The following COMMD10 variants were observed in gnomAD, a reference collection of about 807,000 sequenced individuals.
The protein encoded by COMMD10 is COMM domain containing 10.
In COMMD10, 33 loss-of-function variants were observed where a neutral mutation model predicts 28.9. That is an observed-to-expected ratio of 1.14 (90% CI 0.87 to 1.53). The LOEUF (loss-of-function observed/expected upper bound fraction) is 1.53. Ranked by LOEUF, COMMD10 falls within the 40% of genes most tolerant of loss-of-function variation. The pLI is 0.00. For missense variants in COMMD10, 310 were observed against 233.4 expected (o/e 1.33, Z -2.14); for synonymous variants, 110 against 81.7 (o/e 1.35, Z -1.87).
chr5:116,208,512 C>T (rs1469218938), intron 5 of COMMD10, among the ~76,000 whole-genome samples: 1 of 152,124 alleles, frequency 6.6e-6, no homozygotes. Flanking sequence ...TGAATTCTGA[C>T]TCTTTGGGAT....
intron 5 of COMMD10, among the ~76,000 whole-genome samples, chr5:116,275,377 C>T (rs192589742): frequency 6.6e-6 from 1 of 151,788 alleles, no homozygotes; most frequent in Non-Finnish European, 1.5e-5. Flanking sequence ...ATTTATCTTT[C>T]AGGTATCAGA....
chr5:116,272,115 T>C (rs892719965), intron 5 of COMMD10, among the ~76,000 whole-genome samples: 1 of 151,816 alleles, frequency 6.6e-6, no homozygotes, highest in South Asian at 2.1e-4. Flanking sequence ...TAGGCTCCAT[T>C]AAGGTCGAGA....
At chr5:116,176,827 T>C (rs1194794785) in intron 5 of COMMD10, among the ~76,000 whole-genome samples, 1 of 152,122 alleles carries the variant, frequency 6.6e-6, no homozygotes, top group Non-Finnish European at 1.5e-5. Context: ...AAGTTTAATA[T>C]AAAGAATTAG....
chr5:116,239,339 C>T (rs575647258), intron 5 of COMMD10, among the ~76,000 whole-genome samples: 6 of 152,166 alleles, frequency 3.9e-5, no homozygotes, highest in Non-Finnish European at 8.8e-5. Context: ...CATAGACTTA[C>T]TCACACATTT....
chr5:116,191,260 T>C (rs1327254985), intron 5 of COMMD10, among the ~76,000 whole-genome samples: 4 of 152,044 alleles, frequency 2.6e-5, no homozygotes, highest in Admixed American at 1.3e-4. Flanking sequence ...CTAGCTGAAC[T>C]TTGTAACAAT....
intron 5 of COMMD10, among the ~76,000 whole-genome samples, chr5:116,156,477 G>T (rs770075866): frequency 1.3e-5 from 2 of 152,034 alleles, no homozygotes; most frequent in African/African-American, 2.4e-5. Flanking sequence ...TCCAGATTGG[G>T]GCTGGAGAAT....
chr5:116,135,791 C>T (rs1359129404), intron 5 of COMMD10, among the ~76,000 whole-genome samples: 1 of 152,150 alleles, frequency 6.6e-6, no homozygotes, highest in Non-Finnish European at 1.5e-5. Context: ...TCCATGGTTT[C>T]AGGCCTCCAC....
At chr5:116,205,248 T>G (rs771965661) in intron 5 of COMMD10, among the ~76,000 whole-genome samples, 14 of 152,180 alleles carry the variant, frequency 9.2e-5, no homozygotes, top group Non-Finnish European at 2.1e-4. Flanking sequence ...ATTTTTTTCA[T>G]GGACCTGTAT....
chr5:116,171,002 A>G (rs767416637), intron 5 of COMMD10, among the ~76,000 whole-genome samples: 4 of 152,326 alleles, frequency 2.6e-5, no homozygotes, highest in South Asian at 4.1e-4. Context: ...TAATTAAACT[A>G]AAGAGCTTCT....
intron 5 of COMMD10, among the ~76,000 whole-genome samples, chr5:116,202,948 T>A (rs1748709019): frequency 6.6e-6 from 1 of 152,094 alleles, no homozygotes. Flanking sequence ...GTTTTAGACA[T>A]GAAGGCCTTG....
intron 5 of COMMD10, among the ~76,000 whole-genome samples, chr5:116,286,707 A>G (rs1167234787): frequency 6.6e-6 from 1 of 151,652 alleles, no homozygotes; most frequent in African/African-American, 2.4e-5. Flanking sequence ...GTTTTATTCC[A>G]TTGTAATCAG....
At chr5:116,192,184 C>G (rs918222758) in intron 5 of COMMD10, among the ~76,000 whole-genome samples, 1 of 151,948 alleles carries the variant, frequency 6.6e-6, no homozygotes, top group African/African-American at 2.4e-5. Flanking sequence ...CTAGACCTTC[C>G]CTCTGACAGA....
chr5:116,174,257 C>G (rs1298774123), intron 5 of COMMD10, among the ~76,000 whole-genome samples: 2 of 152,024 alleles, frequency 1.3e-5, no homozygotes, highest in Non-Finnish European at 2.9e-5. Flanking sequence ...TGGAAGTGTG[C>G]TTGCTAAATT....
At chr5:116,190,034 A>T (rs1401977734) in intron 5 of COMMD10, among the ~76,000 whole-genome samples, 1 of 152,144 alleles carries the variant, frequency 6.6e-6, no homozygotes, top group Non-Finnish European at 1.5e-5. Context: ...TGCCTAAGCA[A>T]TCAGCACGCT....
chr5:116,112,342 T>G (rs1244542778), intron 4 of COMMD10, among the ~76,000 whole-genome samples: 2 of 152,198 alleles, frequency 1.3e-5, no homozygotes, highest in African/African-American at 4.8e-5. Context: ...CCCTTTACTT[T>G]TAGTCTATGT....
chr5:116,106,190 G>C (rs1248233593), intron 4 of COMMD10, among the ~76,000 whole-genome samples: 1 of 150,908 alleles, frequency 6.6e-6, no homozygotes, highest in Non-Finnish European at 1.5e-5. Flanking sequence ...TTGTGTCTTT[G>C]TTCTCATTGG....
intron 5 of COMMD10, among the ~76,000 whole-genome samples, chr5:116,154,761 C>T (rs192693631): frequency 6.7e-6 from 1 of 148,404 alleles, no homozygotes; most frequent in East Asian, 2.0e-4. Flanking sequence ...TTTGCACATA[C>T]ATTTTAAAGT....
At chr5:116,150,613 G>A (rs868376782) in intron 5 of COMMD10, among the ~76,000 whole-genome samples, 44 of 139,996 alleles carry the variant, frequency 3.1e-4, no homozygotes, top group African/African-American at 1.2e-3. Context: ...TATTCTCTTT[G>A]AAGCAATTGT....
At chr5:116,223,069 T>C (rs967210560) in intron 5 of COMMD10, among the ~76,000 whole-genome samples, 2 of 152,224 alleles carry the variant, frequency 1.3e-5, no homozygotes, top group African/African-American at 4.8e-5. Flanking sequence ...TGTCATAGAT[T>C]GTGTTATTTT....
Sources: allele counts gnomAD v4.1 joint callset (sites outside exome capture counted in the v4.1 genomes callset), GRCh38; gene constraint gnomAD v4.1.1; transcripts MANE v1.5; gene names NCBI Gene and HGNC (gene_info 2026-07-23, HGNC 2026-07-21).